The following ANKS1B variants were observed in gnomAD, a reference collection of about 807,000 sequenced individuals.
ANKS1B encodes the protein ankyrin repeat and sterile alpha motif domain containing 1B.
In ANKS1B, 36 loss-of-function variants were observed where a neutral mutation model predicts 148.3. That is an observed-to-expected ratio of 0.24 (90% confidence interval 0.19 to 0.32). The LOEUF is 0.32. Ranked by LOEUF, ANKS1B falls within the 10% of genes least tolerant of loss-of-function variation. ANKS1B has a pLI of 1.00. For synonymous variants in ANKS1B, 542 were observed against 560.8 expected, an observed-to-expected ratio of 0.97 and a Z score of 0.47; for missense variants, 1,157 against 1,542.6, an observed-to-expected ratio of 0.75 and a Z score of 4.19.
chr12:99,621,417 ATT>A (rs2098047536), intron 9 of ANKS1B, among the ~76,000 whole-genome samples: 2 of 150,564 alleles, frequency 1.3e-5, no homozygotes, highest in African/African-American at 4.9e-5. Flanking sequence ...TTGAATATAT[ATT>A]GTCTAAATAC....
intron 9 of ANKS1B, among the ~76,000 whole-genome samples, chr12:99,594,282 T>C (rs564699002): frequency 3.3e-5 from 5 of 152,200 alleles, no homozygotes; most frequent in Non-Finnish European, 7.4e-5. Flanking sequence ...ATGCAGTCAT[T>C]ATGAAAAACA....
intron 17 of ANKS1B, among the ~76,000 whole-genome samples, chr12:98,838,148 T>C (rs1054287004): frequency 3.9e-5 from 6 of 152,228 alleles, no homozygotes; most frequent in African/African-American, 1.4e-4. Context: ...CAGAGAAGTA[T>C]GTCATAATTC....
At chr12:99,124,643 G>A (rs901348554) in intron 15 of ANKS1B, among the ~76,000 whole-genome samples, 8 of 152,108 alleles carry the variant, frequency 5.3e-5, no homozygotes, top group African/African-American at 1.9e-4. Flanking sequence ...TCTGAATAAG[G>A]ACACCTAGGA....
At chr12:99,930,103 C>T (rs1265170459) in intron 1 of ANKS1B, among the ~76,000 whole-genome samples, 1 of 151,766 alleles carries the variant, frequency 6.6e-6, no homozygotes, top group Non-Finnish European at 1.5e-5. Flanking sequence ...TGGCCATTTT[C>T]ACAATATTGA....
At position 98,769,205 on chromosome 12, in the gene ANKS1B, G is replaced by A. The variant is rs1246818821; in HGVS notation, c.3579+3837C>T. Among the ~76,000 whole-genome samples the A allele has an allele frequency of 3.4e-5, 4 of 116,840 alleles. No homozygotes were observed. The Admixed American group carries it at 3.7e-4, about 11-fold the overall frequency. 76.7% of individuals were successfully genotyped at this position (116,840 alleles called of 152,430 possible). A position where few individuals can be genotyped will look rare whatever the true frequency, so the allele number is the denominator to read the frequency against. On this transcript the variant is annotated intron_variant, in intron 25 of 26. Transcript: ENST00000683438. ...TTTTTTTTTTTTTTTGCCATTTGGGGCAGCCCAGGGGACTGATTCATATCA... is the reference window on the plus strand; with the variant it reads ...TTTTTTTTTTTTTTTGCCATTTGGGACAGCCCAGGGGACTGATTCATATCA...
intron 17 of ANKS1B, among the ~76,000 whole-genome samples, chr12:98,867,643 G>A (rs1316992535): frequency 6.6e-6 from 1 of 152,076 alleles, no homozygotes; most frequent in Non-Finnish European, 1.5e-5. Flanking sequence ...GGCAGATCAC[G>A]AGATCAGGAG....
chr12:99,664,209 CTAAAT>C (rs563338307), intron 8 of ANKS1B, among the ~76,000 whole-genome samples: 161 of 151,286 alleles, frequency 1.1e-3, no homozygotes, highest in Non-Finnish European at 1.9e-3. Context: ...TTTGGGAAAA[CTAAAT>C]TATCCTCCAT....
chr12:99,298,149 T>C lies in ANKS1B; in HGVS notation c.1757-51285A>G, dbSNP rs568578062. The stretch of plus-strand genomic sequence containing the variant: ...TGTCAGGAATAAAGCTAACGGGATG[T>C]ATAACAACTAATAATTCATGGTTTG... On this transcript the variant is annotated intron_variant, in intron 12 of 26. Coordinates refer to ENST00000683438, the MANE Select transcript of ANKS1B (RefSeq NM_001352186.2). 3.5e-4 allele frequency among the ~76,000 whole-genome samples: 53 copies of C among 152,318 alleles called. No homozygotes were observed. The South Asian group carries it at 7.7e-3, about 22-fold the overall frequency.
intron 24 of ANKS1B, among the ~76,000 whole-genome samples, chr12:98,777,104 G>T (rs759813431): frequency 5.3e-5 from 8 of 152,116 alleles, no homozygotes; most frequent in Non-Finnish European, 1.2e-4. Context: ...GAGGTTGGGG[G>T]ATCACTTGAG....
At chr12:99,167,626 T>C (rs1039815194) in intron 14 of ANKS1B, among the ~76,000 whole-genome samples, 7 of 152,176 alleles carry the variant, frequency 4.6e-5, no homozygotes, top group African/African-American at 1.2e-4. Flanking sequence ...ACAACCACTT[T>C]GGAAAAGTTT....
intron 9 of ANKS1B, among the ~76,000 whole-genome samples, chr12:99,518,900 C>T (rs1268114132): frequency 6.6e-6 from 1 of 152,030 alleles, no homozygotes; most frequent in African/African-American, 2.4e-5. Context: ...TCACTATATC[C>T]TATACATTTT....
intron 10 of ANKS1B, among the ~76,000 whole-genome samples, chr12:99,458,397 A>G (rs971952273): frequency 6.6e-6 from 1 of 151,858 alleles, no homozygotes; most frequent in African/African-American, 2.4e-5. Context: ...AATCTAGAAG[A>G]AAAAAAGAAA....
At chr12:99,430,528 T>C (rs2095351688) in intron 11 of ANKS1B, among the ~76,000 whole-genome samples, 1 of 152,204 alleles carries the variant, frequency 6.6e-6, no homozygotes, top group South Asian at 2.1e-4. Context: ...ATTGTTAGGA[T>C]GAACTTCTAT....
At chr12:99,740,457 C>T (rs1327810030) in intron 8 of ANKS1B, among the ~76,000 whole-genome samples, 2 of 152,168 alleles carry the variant, frequency 1.3e-5, no homozygotes, top group Non-Finnish European at 2.9e-5. Flanking sequence ...CTGGCTTACA[C>T]ACAGCATGTC....
At chr12:98,855,724 T>C (rs2099567405) in intron 17 of ANKS1B, among the ~76,000 whole-genome samples, 1 of 152,166 alleles carries the variant, frequency 6.6e-6, no homozygotes, top group African/African-American at 2.4e-5. Flanking sequence ...AAAATGGGAA[T>C]GCGAAAATCA....
chr12:99,825,210 T>C, intron 2 of ANKS1B, 99 bp downstream of exon 2: 1 of 995,284 alleles, frequency 1.0e-6, no homozygotes, highest in Non-Finnish European at 1.5e-6. Flanking sequence ...CTAAGCCCAT[T>C]GGACTCACAG....
At chr12:99,280,156 C>CTG (rs113352121) in intron 12 of ANKS1B, among the ~76,000 whole-genome samples, 55 of 150,212 alleles carry the variant, frequency 3.7e-4, no homozygotes, top group East Asian at 2.0e-3. Flanking sequence ...CCAATAGAGT[C>CTG]TGTGTGTGTG....
intron 16 of ANKS1B, among the ~76,000 whole-genome samples, chr12:99,055,152 A>C (rs956242582): frequency 6.6e-6 from 1 of 152,230 alleles, no homozygotes; most frequent in Non-Finnish European, 1.5e-5. Context: ...TATTCTATAG[A>C]GAATTACAAA....
chr12:99,288,165 G>C (rs1482737941), intron 12 of ANKS1B, among the ~76,000 whole-genome samples: 1 of 152,076 alleles, frequency 6.6e-6, no homozygotes, highest in Non-Finnish European at 1.5e-5. Context: ...CTTAAGAGTA[G>C]CAAGAGAAAA....
Sources: gnomAD v4.1 joint callset for allele counts (sites outside exome capture counted in the v4.1 genomes callset) on GRCh38, gnomAD v4.1.1 for gene constraint, MANE v1.5 for transcripts, NCBI Gene and HGNC (gene_info 2026-07-23, HGNC 2026-07-21) for gene names.